The following KDM4C variants were observed in gnomAD, a reference collection of about 807,000 sequenced individuals.
The protein encoded by KDM4C is lysine demethylase 4C.
In KDM4C, 81 loss-of-function variants were observed where a neutral mutation model predicts 129.3. That is an observed-to-expected ratio of 0.63 (90% CI 0.52 to 0.75). The LOEUF (loss-of-function observed/expected upper bound fraction) is 0.75, where lower values mean the gene tolerates loss of function less well. KDM4C is among the 30% of genes least tolerant of loss of function. KDM4C has a pLI of 0.00. For missense variants in KDM4C, 1,457 were observed against 1,304.0 expected, an observed-to-expected ratio of 1.12 and a Z score of -1.81; for synonymous variants, 573 against 456.1, an observed-to-expected ratio of 1.26 and a Z score of -3.26.
intron 5 of KDM4C, among the ~76,000 whole-genome samples, chr9:6,874,630 G>A (rs781203014): frequency 3.9e-5 from 6 of 152,246 alleles, no homozygotes; most frequent in Non-Finnish European, 8.8e-5. Flanking sequence ...AGTTCTTCTG[G>A]GAAAGTGGTT....
chr9:6,913,758 C>T (rs545575297), intron 8 of KDM4C, among the ~76,000 whole-genome samples: 2 of 152,276 alleles, frequency 1.3e-5, no homozygotes, highest in South Asian at 2.1e-4. Flanking sequence ...TCACAAAATT[C>T]CCAGATGACA....
chr9:6,901,224 G>T (rs974878410), intron 8 of KDM4C, among the ~76,000 whole-genome samples: 1 of 152,170 alleles, frequency 6.6e-6, no homozygotes, highest in Non-Finnish European at 1.5e-5. Flanking sequence ...GGGAGAGTCA[G>T]CAGGGCCCTG....
At chr9:6,747,409 G>C (rs549365736) in intron 1 of KDM4C, among the ~76,000 whole-genome samples, 1 of 151,872 alleles carries the variant, frequency 6.6e-6, no homozygotes, top group East Asian at 1.9e-4. Context: ...TTAGCTGGGC[G>C]TGGTGGTGGG....
At chr9:6,767,283 C>T (rs1820821710) in intron 1 of KDM4C, among the ~76,000 whole-genome samples, 1 of 151,764 alleles carries the variant, frequency 6.6e-6, no homozygotes, top group Non-Finnish European at 1.5e-5. Context: ...GGACTACAGG[C>T]ACCCCTCACC....
At chr9:6,888,560 A>G (rs927126607) in intron 7 of KDM4C, among the ~76,000 whole-genome samples, 1 of 152,150 alleles carries the variant, frequency 6.6e-6, no homozygotes, top group African/African-American at 2.4e-5. Flanking sequence ...TTTTCTGAAG[A>G]TTAGGTTCTA....
At chr9:7,137,961 A>G (rs762914533) in intron 19 of KDM4C, among the ~76,000 whole-genome samples, 1 of 152,232 alleles carries the variant, frequency 6.6e-6, no homozygotes, top group Non-Finnish European at 1.5e-5. Context: ...CTACTTATTG[A>G]TGAGCAACAT....
chr9:6,820,084 G>A (rs1441202322), intron 4 of KDM4C, among the ~76,000 whole-genome samples: 6 of 152,174 alleles, frequency 3.9e-5, no homozygotes, highest in Admixed American at 3.9e-4. Flanking sequence ...TGTGCAAGGT[G>A]CAAAGATGGA....
chr9:6,988,580 G>A (rs981123257), intron 11 of KDM4C, among the ~76,000 whole-genome samples: 2 of 152,046 alleles, frequency 1.3e-5, no homozygotes, highest in Non-Finnish European at 1.5e-5. Context: ...TTAGTATTCA[G>A]TGTAATGCTA....
chr9:7,094,478 A>G (rs1836179042), intron 17 of KDM4C, among the ~76,000 whole-genome samples: 1 of 152,252 alleles, frequency 6.6e-6, no homozygotes, highest in South Asian at 2.1e-4. Flanking sequence ...CCCCAAATTT[A>G]TCTCATCTAG....
At chr9:7,029,800 GA>G (rs1826422210) in intron 15 of KDM4C, among the ~76,000 whole-genome samples, 1 of 152,140 alleles carries the variant, frequency 6.6e-6, no homozygotes, top group Admixed American at 6.5e-5. Context: ...TAACATCATA[GA>G]AAGTCACAGA....
At chr9:6,720,928 G>A (rs908193474) in exon 1 of KDM4C, 1 of 1,550,956 alleles carries the variant, frequency 6.4e-7, no homozygotes, top group Non-Finnish European at 8.7e-7. Flanking sequence ...CATTCATGTG[G>A]AAGAGGCTAA....
chr9:7,039,349 A>C (rs568216009), intron 15 of KDM4C, among the ~76,000 whole-genome samples: 1 of 152,066 alleles, frequency 6.6e-6, no homozygotes, highest in Non-Finnish European at 1.5e-5. Flanking sequence ...GTAATCTGCT[A>C]TTCAACATAT....
intron 1 of KDM4C, among the ~76,000 whole-genome samples, chr9:6,789,012 A>G (rs1252266840): frequency 6.6e-6 from 1 of 151,756 alleles, no homozygotes; most frequent in Non-Finnish European, 1.5e-5. Context: ...GGACGAGGCC[A>G]TAGTAGTTAG....
At chr9:7,021,418 T>A (rs1192096552) in intron 15 of KDM4C, among the ~76,000 whole-genome samples, 1 of 152,210 alleles carries the variant, frequency 6.6e-6, no homozygotes, top group Non-Finnish European at 1.5e-5. Context: ...GTGCTGGGAT[T>A]ACAGGCGTGA....
In KDM4C at chr9:7,159,458, A is replaced by G. The variant is rs556499178; in HGVS notation, c.2782-5780A>G. On this transcript the variant is annotated intron_variant, in intron 19 of 21. Coordinates refer to ENST00000381309, the MANE Select transcript of KDM4C (RefSeq NM_015061.6). ...TCTTTACAATTTCTCATGTTTTTGC[A>G]GTGGCTGCTACCGGTTGTTTCTTTC... 2.8e-3 allele frequency among the ~76,000 whole-genome samples: 430 copies of G among 152,302 alleles called. 3 individuals carry two copies. The highest frequency in any genetic ancestry group is 0.01 in the African/African-American group (419 of 41,574).
chr9:7,051,263 T>C (rs1830116778), intron 17 of KDM4C, among the ~76,000 whole-genome samples: 1 of 152,182 alleles, frequency 6.6e-6, no homozygotes, highest in Non-Finnish European at 1.5e-5. Flanking sequence ...AAGTTTGTAA[T>C]AGTTTGACAG....
At chr9:6,782,076 C>T (rs546644822) in intron 1 of KDM4C, among the ~76,000 whole-genome samples, 96 of 152,210 alleles carry the variant, frequency 6.3e-4, no homozygotes, top group African/African-American at 1.9e-3. Flanking sequence ...CTGTCCACCT[C>T]GGTCTCCCAA....
At chr9:6,940,452 G>A (rs1046476081) in intron 8 of KDM4C, among the ~76,000 whole-genome samples, 2 of 152,160 alleles carry the variant, frequency 1.3e-5, no homozygotes, top group African/African-American at 4.8e-5. Context: ...TAAAATCTTT[G>A]CGGGAATTGT....
chr9:6,792,906 A>G (rs1235551265), intron 1 of KDM4C, 66 bp from the exon 2 acceptor site: 17 of 1,505,094 alleles, frequency 1.1e-5, no homozygotes, highest in Admixed American at 7.0e-5. Flanking sequence ...CTGACATACT[A>G]TTTGTTAAAA....
Sources: gnomAD v4.1 joint callset for allele counts (sites outside exome capture counted in the v4.1 genomes callset) on GRCh38, gnomAD v4.1.1 for gene constraint, MANE v1.5 for transcripts, NCBI Gene and HGNC (gene_info 2026-07-23, HGNC 2026-07-21) for gene names.